Variants in FNDC1 observed in about 807,000 individuals in gnomAD.
FNDC1 encodes fibronectin type III domain-containing protein 1.
FNDC1 carries 96 observed loss-of-function variants against 168.0 expected under a neutral mutation model. The ratio of observed to expected loss-of-function variants is 0.57; its 90% CI spans 0.48 to 0.68. The LOEUF (loss-of-function observed/expected upper bound fraction) is 0.68, where lower values mean the gene tolerates loss of function less well. Among genes scored for constraint, FNDC1 ranks in the 30% least tolerant of loss-of-function variants. FNDC1 has a pLI of 0.00. For missense variants in FNDC1, 2,587 were observed against 2,482.1 expected (o/e 1.04, Z -0.90); for synonymous variants, 1,099 against 1,025.9 (o/e 1.07, Z -1.36).
intron 15 of FNDC1, 107 bp from the exon 16 acceptor site, chr6:159,248,932 T>C: frequency 1.9e-6 from 2 of 1,027,722 alleles, no homozygotes; most frequent in Middle Eastern, 2.1e-4. Flanking sequence ...TGTCTGTCTG[T>C]CTGTCTGGGT....
intron 7 of FNDC1, among the ~76,000 whole-genome samples, chr6:159,224,757 T>C (rs904902734): frequency 2.6e-5 from 4 of 152,226 alleles, no homozygotes; most frequent in African/African-American, 9.6e-5. Flanking sequence ...TCTTAACATA[T>C]TCAGTATAAC....
rs767812991 is a variant in FNDC1 at position 159,236,334 on chromosome 6, C to T, written c.4068+19C>T. ...AAAGTGGGTAGGGTAAACTTCTTTA[C>T]ACATCCCCGTTGTTTTCATGCTGTT... On this transcript the variant is annotated intron_variant, in intron 12 of 22. Transcript: ENST00000297267. The T allele has an allele frequency of 6.5e-7, 1 of 1,529,980 alleles. No individual in the cohort carries two copies. The highest frequency in any genetic ancestry group is 1.1e-5 in the South Asian group (1 of 88,268). The allele number at this position is 1,529,980 out of a possible 1,614,324, so 94.8% of individuals were successfully genotyped here. A position where few individuals can be genotyped will look rare whatever the true frequency, so the allele number is the denominator to read the frequency against.
At position 159,248,066 on chromosome 6, in the gene FNDC1, G is replaced by T. The variant is rs1257030898; in HGVS notation, c.4691-973G>T. Among the ~76,000 whole-genome samples, 4 of 152,140 alleles carry T rather than the reference G, an allele frequency of 2.6e-5. No homozygotes were observed. The South Asian group carries it at 8.3e-4, about 31-fold the overall frequency. On this transcript the variant is annotated intron_variant, in intron 15 of 22. Transcript: ENST00000297267. ...GTGTTATTTATTCATAATAAAGCTCGATGTAGTGGTTTAATCCCAAGGTTT... is the reference window on the plus strand; with the variant it reads ...GTGTTATTTATTCATAATAAAGCTCTATGTAGTGGTTTAATCCCAAGGTTT...
intron 4 of FNDC1, among the ~76,000 whole-genome samples, chr6:159,211,181 G>A (rs1249645430): frequency 2.0e-5 from 3 of 152,184 alleles, no homozygotes; most frequent in Non-Finnish European, 4.4e-5. Context: ...TGCTCTTTCA[G>A]GTCACGGGGA....
rs1361747451 is a variant in FNDC1, at chr6:159,232,368, C to T, written c.1856C>T (p.Ser619Phe). 11 of 1,613,498 alleles carry T rather than the reference C, an allele frequency of 6.8e-6. No homozygotes were observed. The highest frequency in any genetic ancestry group is 5.9e-6 in the Non-Finnish European group (7 of 1,179,722). Residue 619 changes from serine (S) to phenylalanine (F), a missense_variant, in exon 11 of 23, where the codon TCT becomes TTT. Coordinates refer to ENST00000297267, the MANE Select transcript of FNDC1 (RefSeq NM_032532.3). The surrounding 1 kb of genome is among the most constrained non-coding windows in gnomAD (Gnocchi z 4.9). ...RPGAPPSASA[S>F]PAHHASTQGT... ...GGGGCGCCCCCCTCGGCTTCGGCCT[C>T]TCCTGCCCACCACGCGTCCACCCAG...
In FNDC1 at chr6:159,234,434, C is replaced by A. The variant is rs549187583; in HGVS notation, c.3922C>A (p.Arg1308Ser). The change falls in exon 11 of 23, where the codon CGT (arginine) becomes AGT (serine). Residue 1308 changes from arginine to serine, a missense_variant. By Grantham distance (110) the Arg-to-Ser change is moderately radical. Coordinates refer to ENST00000297267, the MANE Select transcript of FNDC1 (RefSeq NM_032532.3). ...LRQRMMHARF[R>S]NPLSRQPARP... The stretch of plus-strand genomic sequence containing the variant: ...CCAGAGGATGATGCATGCCAGATTC[C>A]GTAACCCTCTCTCCCGACAGCCTGC... 2 of 1,613,540 alleles carry A rather than the reference C, an allele frequency of 1.2e-6. No individual in the cohort carries two copies. The highest frequency in any genetic ancestry group is 2.2e-5 in the South Asian group (2 of 91,072).
At chr6:159,221,863 G>A (rs1173899434) in intron 6 of FNDC1, among the ~76,000 whole-genome samples, 167 bp downstream of exon 6, 1 of 152,204 alleles carries the variant, frequency 6.6e-6, no homozygotes, top group Non-Finnish European at 1.5e-5. Context: ...GCTTTTATAT[G>A]CAAAGGCTAG....
At chr6:159,197,690 T>C in intron 2 of FNDC1, 65 bp downstream of exon 2, 1 of 1,434,218 alleles carries the variant, frequency 7.0e-7, no homozygotes, top group Non-Finnish European at 9.5e-7. Flanking sequence ...TCAGTTGCAT[T>C]CTTAGGATGA....
chr6:159,224,263 A>T (rs551360738), intron 7 of FNDC1, among the ~76,000 whole-genome samples: 1 of 152,368 alleles, frequency 6.6e-6, no homozygotes, highest in Non-Finnish European at 1.5e-5. Context: ...TCATAAGGTT[A>T]AAATATTTTT....
chr6:159,216,576 C>A (rs1357190530), intron 5 of FNDC1, among the ~76,000 whole-genome samples: 1 of 152,200 alleles, frequency 6.6e-6, no homozygotes, highest in Non-Finnish European at 1.5e-5. Context: ...AGCCGTCTCA[C>A]CCCTGCTCCC....
rs2115034437 is a variant in FNDC1 at position 159,267,943 on chromosome 6, C to A, written c.5569+17C>A. 6.2e-7 allele frequency: 1 copy of A among 1,601,184 alleles called. No individual in the cohort carries two copies. Among genetic ancestry groups the A allele is most frequent in the Non-Finnish European group, 8.5e-7 (1 of 1,173,196 alleles). ...CTATTCAAGGTAATACAAACAAATG[C>A]CTGATATATTATCCTAGGAGGTGGG... On this transcript the variant is annotated intron_variant, in intron 22 of 22. Transcript: ENST00000297267.
In FNDC1 at chr6:159,197,562, C is replaced by A. The variant is rs753446484; in HGVS notation, c.241C>A (p.Leu81Met). ...EHYNIAYGKS[L>M]KSLKYIKVNA... is the part of the protein sequence containing the mutation. ...TTACAACATTGCCTATGGGAAGTCA[C>A]TGAAAAGTCTTAAATACATCAAGGT... Residue 81 changes from leucine to methionine, a missense_variant, in exon 2 of 23, where the codon CTG (leucine) becomes ATG (methionine). By Grantham distance (15) the Leu-to-Met change is conservative. Transcript: ENST00000297267. 3 of 1,613,980 alleles carry A rather than the reference C, an allele frequency of 1.9e-6. No homozygotes were observed. Among genetic ancestry groups the A allele is most frequent in the South Asian group, 2.2e-5 (2 of 91,058 alleles).
intron 4 of FNDC1, among the ~76,000 whole-genome samples, chr6:159,202,843 CA>C (rs1194079472): frequency 1.3e-5 from 2 of 152,200 alleles, no homozygotes; most frequent in Non-Finnish European, 2.9e-5. Flanking sequence ...CAAATATGCA[CA>C]AAATGTTGCA....
rs114954506 is a variant in FNDC1 at position 159,206,368 on chromosome 6, C to G, written c.460+5787C>G. Among the ~76,000 whole-genome samples the G allele has an allele frequency of 3.0e-3, 459 of 152,348 alleles. 4 individuals carry two copies. The highest frequency in any genetic ancestry group is 0.01 in the African/African-American group (435 of 41,580). On this transcript the variant is annotated intron_variant, in intron 4 of 22. Coordinates refer to ENST00000297267, the MANE Select transcript of FNDC1 (RefSeq NM_032532.3). ...AGTTATTAGTTTTATTTAGTGTGCA[C>G]TTCACAGGACAAAAGTTCATGGCCT...
chr6:159,248,311 A>AT lies in FNDC1; in HGVS notation c.4691-715dup, dbSNP rs10715076. ...AAGTTCATACATGGGAGAAAAAAGAATTTTTTTTTTTTTGAGATGGAGTCT... is the reference window on the plus strand; with the variant it reads ...AAGTTCATACATGGGAGAAAAAAGAATTTTTTTTTTTTTTGAGATGGAGTCT... On this transcript the variant is annotated intron_variant, in intron 15 of 22. Coordinates refer to ENST00000297267, the MANE Select transcript of FNDC1 (RefSeq NM_032532.3). 5.1e-3 allele frequency among the ~76,000 whole-genome samples: 757 copies of AT among 147,358 alleles called. 1 individual carries two copies. The highest frequency in any genetic ancestry group is 8.6e-3 in the Non-Finnish European group (572 of 66,306).
Position 159,169,705 on chromosome 6 carries a change from G to T in FNDC1, c.109G>T (p.Val37Phe). Residue 37 changes from valine (V) to phenylalanine (F), a missense_variant and splice_region_variant, in exon 1 of 23, where the codon GTT becomes TTT. By Grantham distance (50) the Val-to-Phe change is conservative (BLOSUM62 -1). Transcript: ENST00000297267. This position sits in a 1 kb window ranked among gnomAD's most constrained non-coding sequence, Gnocchi z 6.8. Reference protein sequence around the residue: ...LPVASSAAASVDHPLKPRHVK... With the variant: ...LPVASSAAASFDHPLKPRHVK... The stretch of plus-strand genomic sequence containing the variant: ...CGTCGCCTCCTCGGCGGCGGCCTCA[G>T]GTACGCGCCGCGCCCGGGCCCCCGG... 1 of 1,139,432 alleles carries T rather than the reference G, an allele frequency of 8.8e-7. No homozygotes were observed. Among genetic ancestry groups the T allele is most frequent in the South Asian group, 4.3e-5 (1 of 23,206 alleles). 70.6% of individuals were successfully genotyped at this position (1,139,432 alleles called of 1,614,324 possible).
chr6:159,253,872 T>C (rs294894), intron 17 of FNDC1, among the ~76,000 whole-genome samples: 96,335 of 152,172 alleles, frequency 0.63, 32,022 homozygotes, highest in Middle Eastern at 0.75. Flanking sequence ...CCAACTCCAT[T>C]GGAAGCTGGG....
intron 5 of FNDC1, among the ~76,000 whole-genome samples, chr6:159,220,021 CT>C (rs1365711130): frequency 6.6e-6 from 1 of 152,210 alleles, no homozygotes; most frequent in Non-Finnish European, 1.5e-5. Flanking sequence ...TATTCCCTCC[CT>C]TTTATAAAAC....
chr6:159,219,161 C>T (rs576257132), intron 5 of FNDC1, among the ~76,000 whole-genome samples: 1 of 152,108 alleles, frequency 6.6e-6, no homozygotes, highest in African/African-American at 2.4e-5. Context: ...CTGCCTCACC[C>T]TCCCAAGTAG....
Sources: gnomAD v4.1 joint callset for allele counts (sites outside exome capture counted in the v4.1 genomes callset) on GRCh38, gnomAD v4.1.1 for gene constraint, Gnocchi (gnomAD v3.1) non-coding constraint, MANE v1.5 for transcripts, NCBI Gene and HGNC (gene_info 2026-07-23, HGNC 2026-07-21) for gene names.